ZNF106: variants seen among roughly 807,000 people sequenced by gnomAD.
ZNF106 encodes zinc finger protein 106.
In ZNF106, 67 loss-of-function variants were observed where a neutral mutation model predicts 195.1. The observed-to-expected ratio is 0.34, with a 90% CI of 0.28 to 0.42. The LOEUF (loss-of-function observed/expected upper bound fraction) is 0.42. ZNF106 is among the 10% of genes least tolerant of loss of function. The pLI is 1.00. For synonymous variants in ZNF106, 784 were observed against 818.6 expected (o/e 0.96, Z 0.72); for missense variants, 2,118 against 2,304.5 (o/e 0.92, Z 1.66).
Position 42,487,980 on chromosome 15 carries a change from T to G in ZNF106, c.-33+3000A>C, listed in dbSNP as rs139085981. Among the ~76,000 whole-genome samples, 1,220 of 152,306 alleles carry G rather than the reference T, an allele frequency of 8.0e-3. 22 individuals carry two copies. The highest frequency in any genetic ancestry group is 0.028 in the African/African-American group (1,174 of 41,560). ...CCCTTATATGAAATGGCACAGTATA[T>G]GCATGTAACCTACACATACCTTCCG... is the stretch of plus-strand genomic sequence containing the variant. On this transcript the variant is annotated intron_variant, in intron 1 of 21. Coordinates refer to ENST00000564754, the MANE Select transcript of ZNF106 (RefSeq NM_001366845.3).
intron 1 of ZNF106, among the ~76,000 whole-genome samples, chr15:42,483,228 A>T (rs2056941875): frequency 1.3e-5 from 2 of 152,160 alleles, no homozygotes; most frequent in Admixed American, 6.5e-5. Flanking sequence ...TCCAGATGTA[A>T]TAATAGTTGT....
rs2055979224 is a variant in ZNF106 at position 42,450,671 on chromosome 15, G to C, written c.1601C>G (p.Pro534Arg). 2 of 1,613,994 alleles carry C rather than the reference G, an allele frequency of 1.2e-6. No individual in the cohort carries two copies. The highest frequency in any genetic ancestry group is 1.7e-5 in the Admixed American group (1 of 59,992). Residue 534 changes from proline (P) to arginine (R), a missense_variant, in exon 5 of 22, where the codon CCT becomes CGT. Pro to Arg is a moderately radical substitution (Grantham distance 103). Transcript: ENST00000564754. Reference protein sequence around the residue: ...PYISKLRSSCPHVLKGNKSTF... With the variant: ...PYISKLRSSCRHVLKGNKSTF... ...ACTTTTATTCCCTTTTAAAACATGA[G>C]GACATGAACTACGCAGTTTGGATAT...
At position 42,450,663 on chromosome 15, in the gene ZNF106, A is replaced by T. The variant is rs2055978381; in HGVS notation, c.1609T>A (p.Leu537Ile). ...SKLRSSCPHV[L>I]KGNKSTFGSQ... ...CCAAATGTACTTTTATTCCCTTTTA[A>T]AACATGAGGACATGAACTACGCAGT... The change falls in exon 5 of 22, where the codon TTA becomes ATA. Residue 537 changes from leucine to isoleucine, a missense_variant. Transcript: ENST00000564754. 1 of 1,614,002 alleles carries T rather than the reference A, an allele frequency of 6.2e-7. No homozygotes were observed. Among genetic ancestry groups the T allele is most frequent in the African/African-American group, 1.3e-5 (1 of 74,884 alleles).
chr15:42,438,509 C>T lies in ZNF106; in HGVS notation c.4600+103G>A, dbSNP rs367551923. On this transcript the variant is annotated intron_variant, in intron 12 of 21. Coordinates refer to ENST00000564754, the MANE Select transcript of ZNF106 (RefSeq NM_001366845.3). ...TCTTGGTGATAAACCCCTCCCCATTCTCCTATTCTATAAATATATTTAAGT... is the reference window on the plus strand; with the variant it reads ...TCTTGGTGATAAACCCCTCCCCATTTTCCTATTCTATAAATATATTTAAGT... 8.7e-6 allele frequency: 9 copies of T among 1,036,150 alleles called. No individual in the cohort carries two copies. In the African/African-American group the frequency reaches 9.7e-5, roughly 11 times the overall value. The allele number at this position is 1,036,150 out of a possible 1,614,324, so 64.2% of individuals were successfully genotyped here.
chr15:42,449,776 T>C lies in ZNF106; in HGVS notation c.2496A>G (p.Leu832=), dbSNP rs2055915490. Residue 832 remains leucine (L), a synonymous_variant, in exon 5 of 22, where the codon TTA becomes TTG. Transcript: ENST00000564754. ...TKKKQELGKG[L]PRFGIEMVPL... is the part of the protein sequence containing the mutation. ...CACCGAAAAGCAGCACACACCTGGG[T>C]AAGCCTTTGCCCAGCTCTTGCTTTT... 6.2e-7 allele frequency: 1 copy of C among 1,612,772 alleles called. No individual in the cohort carries two copies. The highest frequency in any genetic ancestry group is 8.5e-7 in the Non-Finnish European group (1 of 1,179,214).
chr15:42,457,257 T>C (rs776319803), intron 3 of ZNF106, 99 bp from the exon 4 acceptor site: 1 of 1,565,266 alleles, frequency 6.4e-7, no homozygotes. Context: ...CTGCACACTT[T>C]GGCACAGTGA....
rs546912849 is a variant in ZNF106 at position 42,415,122 on chromosome 15, CTTT to C, written c.*2179_*2181del. ...CCATTCATTATCTCCTAGATTAACT[CTTT>C]TTTTTTTTTTTTTGAGGTGGAGTTT... On this transcript the variant is annotated 3_prime_UTR_variant, in exon 22 of 22. Coordinates refer to ENST00000564754, the MANE Select transcript of ZNF106 (RefSeq NM_001366845.3). 8.7e-4 allele frequency: 140 copies of C among 161,538 alleles called. No homozygotes were observed. Among genetic ancestry groups the C allele is most frequent in the South Asian group, 3.1e-3 (25 of 8,164 alleles). 10.0% of individuals were successfully genotyped at this position (161,538 alleles called of 1,614,324 possible).
At chr15:42,442,486 T>C (rs1317362279) in intron 9 of ZNF106, 72 bp from the exon 10 acceptor site, 8 of 1,325,254 alleles carry the variant, frequency 6.0e-6, no homozygotes, top group Admixed American at 2.3e-5. Context: ...CTGAGCTAAT[T>C]TGTATTTTTA....
rs746650925 is a variant in ZNF106, at chr15:42,422,490, CT to C, written c.5373+10del. On this transcript the variant is annotated intron_variant, in intron 18 of 21. Transcript: ENST00000564754. ...AAATCATTCAAGCAAAATACTGAAT[CT>C]AAATTCTACCTGTAATTCATAGACA... The C allele has an allele frequency of 1.7e-5, 28 of 1,610,180 alleles. No homozygotes were observed. The highest frequency in any genetic ancestry group is 2.3e-5 in the Non-Finnish European group (27 of 1,178,896).
In ZNF106 at chr15:42,450,239, T is replaced by C. The variant is rs750453508; in HGVS notation, c.2033A>G (p.Gln678Arg). ...PIVRQKESEL[Q>R]MTSAASPHPG... The stretch of plus-strand genomic sequence containing the variant: ...GTGTGGACTGGCTGCAGATGTCATT[T>C]GTAATTCAGATTCTTTCTGGCGAAC... The change falls in exon 5 of 22, where the codon CAA becomes CGA. Residue 678 changes from glutamine (Q) to arginine (R), a missense_variant. Gln to Arg is a conservative substitution (Grantham distance 43). Coordinates refer to ENST00000564754, the MANE Select transcript of ZNF106 (RefSeq NM_001366845.3). The C allele has an allele frequency of 1.4e-5, 22 of 1,614,102 alleles. No homozygotes were observed. The African/African-American group carries it at 2.8e-4, about 21-fold the overall frequency.
At chr15:42,466,565 T>C (rs576489494) in intron 2 of ZNF106, among the ~76,000 whole-genome samples, 1 of 152,328 alleles carries the variant, frequency 6.6e-6, no homozygotes, top group South Asian at 2.1e-4. Context: ...GGGCCTAGCA[T>C]ATAGTCATCA....
intron 1 of ZNF106, among the ~76,000 whole-genome samples, chr15:42,483,709 A>G (rs1452774537): frequency 6.6e-6 from 1 of 152,224 alleles, no homozygotes; most frequent in Non-Finnish European, 1.5e-5. Context: ...TGTGTATTAC[A>G]TAGGTTTGAG....
intron 9 of ZNF106, 87 bp downstream of exon 9, chr15:42,444,115 A>C (rs76500713): frequency 2.5e-5 from 5 of 201,024 alleles, no homozygotes; most frequent in Non-Finnish European, 7.1e-6. Flanking sequence ...CTGTCTCCAA[A>C]AAAAAAAAAA....
chr15:42,485,216 A>G (rs979270196), intron 1 of ZNF106, among the ~76,000 whole-genome samples: 1 of 152,096 alleles, frequency 6.6e-6, no homozygotes, highest in African/African-American at 2.4e-5. Flanking sequence ...TGAGGCTCAG[A>G]TAATTATAAA....
At chr15:42,486,457 C>T (rs886163368) in intron 1 of ZNF106, among the ~76,000 whole-genome samples, 1 of 152,048 alleles carries the variant, frequency 6.6e-6, no homozygotes, top group African/African-American at 2.4e-5. Flanking sequence ...GACAGGGTCT[C>T]GCTTTGAAGC....
At position 42,451,382 on chromosome 15, in the gene ZNF106, CTGTATT is replaced by C; in HGVS notation, c.884_889del (p.Lys295_Tyr296del). ...CCGCTGCCAATTATATCTGTCGTGA[CTGTATT>C]TGTTTGACTTATTAGATTTCTTGTT... On this transcript the variant is annotated inframe_deletion, in exon 5 of 22. Coordinates refer to ENST00000564754, the MANE Select transcript of ZNF106 (RefSeq NM_001366845.3). 1 of 1,614,154 alleles carries C rather than the reference CTGTATT, an allele frequency of 6.2e-7. No individual in the cohort carries two copies. Among genetic ancestry groups the C allele is most frequent in the Non-Finnish European group, 8.5e-7 (1 of 1,180,032 alleles).
chr15:42,440,554 T>C (rs2055459435), intron 10 of ZNF106, among the ~76,000 whole-genome samples: 1 of 152,124 alleles, frequency 6.6e-6, no homozygotes, highest in Non-Finnish European at 1.5e-5. Context: ...AAGTTCTACA[T>C]GTAAACACAA....
intron 15 of ZNF106, among the ~76,000 whole-genome samples, chr15:42,427,033 T>C (rs1278475931): frequency 1.3e-5 from 2 of 152,214 alleles, no homozygotes; most frequent in Non-Finnish European, 2.9e-5. Context: ...ATGCAGCCTA[T>C]GAATGACACT....
intron 9 of ZNF106, among the ~76,000 whole-genome samples, chr15:42,443,928 G>T (rs1232133120): frequency 6.6e-6 from 1 of 151,686 alleles, no homozygotes; most frequent in East Asian, 1.9e-4. Flanking sequence ...CCAACATGGC[G>T]AACCCTGTAA....
Sources: allele counts gnomAD v4.1 joint callset (sites outside exome capture counted in the v4.1 genomes callset), GRCh38; gene constraint gnomAD v4.1.1; transcripts MANE v1.5; gene names NCBI Gene and HGNC (gene_info 2026-07-23, HGNC 2026-07-21).